Variants in PRPSAP1 observed in about 807,000 individuals in gnomAD.
PRPSAP1 encodes the protein phosphoribosyl pyrophosphate synthase-associated protein 1.
PRPSAP1 carries 31 observed loss-of-function variants against 39.4 expected under a neutral mutation model. The observed-to-expected ratio is 0.79, with a 90% CI of 0.59 to 1.06. The LOEUF is 1.06. Among genes scored for constraint, PRPSAP1 ranks in the 50% least tolerant of loss-of-function variants. The pLI, the probability that PRPSAP1 is intolerant of heterozygous loss-of-function variation, is 0.00. For missense variants in PRPSAP1, 430 were observed against 511.6 expected (o/e 0.84, Z 1.54); for synonymous variants, 212 against 192.6 (o/e 1.10, Z -0.83).
Position 76,344,672 on chromosome 17 carries a change from T to C in PRPSAP1, c.289A>G (p.Arg97Gly), listed in dbSNP as rs767596092. The C allele has an allele frequency of 6.4e-7, 1 of 1,559,876 alleles. No homozygotes were observed. Among genetic ancestry groups the C allele is most frequent in the South Asian group, 1.2e-5 (1 of 86,458 alleles). The change falls in exon 3 of 10, where the codon AGA (arginine) becomes GGA (glycine). Residue 97 changes from arginine (R) to glycine (G), a missense_variant and splice_region_variant. Transcript: ENST00000446526. ...AGATAAAGTAGTCAGTCCTCTTACC[T>C]GGGTATTGTCTGTATAATGAAAATA... The part of the protein sequence containing the change: ...QDIFIIQTIP[R>G]DVNTAVMELL...
At chr17:76,343,857 A>C (rs543572321) in intron 3 of PRPSAP1, among the ~76,000 whole-genome samples, 12 of 152,292 alleles carry the variant, frequency 7.9e-5, no homozygotes, top group Admixed American at 7.2e-4. Flanking sequence ...AGAGAAGTAA[A>C]CAGGTAACAG....
At position 76,353,531 on chromosome 17, in the gene PRPSAP1, T is replaced by C. The variant is rs994083580; in HGVS notation, c.170+3A>G. 6.6e-7 allele frequency: 1 copy of C among 1,518,128 alleles called. No homozygotes were observed. The highest frequency in any genetic ancestry group is 2.0e-5 in the Admixed American group (1 of 48,842). The allele number at this position is 1,518,128 out of a possible 1,614,324, so 94.0% of individuals were successfully genotyped here. On this transcript the variant is annotated splice_donor_region_variant and intron_variant, in intron 1 of 9. Coordinates refer to ENST00000446526, the MANE Select transcript of PRPSAP1 (RefSeq NM_002766.3). ...CGGCCCGGCCCTCCCACCGCCCCCT[T>C]ACTCTGTGATGCGCTTGGCCAGCTC...
chr17:76,341,568 T>C (rs1257665565), intron 3 of PRPSAP1, among the ~76,000 whole-genome samples: 1 of 152,194 alleles, frequency 6.6e-6, no homozygotes, highest in Non-Finnish European at 1.5e-5. Context: ...GATAACTCTT[T>C]ACATGACAAA....
At chr17:76,338,500 C>T (rs1598534310) in intron 3 of PRPSAP1, among the ~76,000 whole-genome samples, 1 of 151,940 alleles carries the variant, frequency 6.6e-6, no homozygotes, top group South Asian at 2.1e-4. Flanking sequence ...GTCAGGAGTT[C>T]GAGACCAGCC....
At chr17:76,330,963 GAATT>G (rs1376677839) in intron 4 of PRPSAP1, among the ~76,000 whole-genome samples, 5 of 152,150 alleles carry the variant, frequency 3.3e-5, no homozygotes, top group Middle Eastern at 3.2e-3. Flanking sequence ...TATGAATATG[GAATT>G]AATACCGAAG....
Position 76,353,783 on chromosome 17 carries a change from G to A in PRPSAP1, c.-80C>T. The A allele has an allele frequency of 4.3e-6, 6 of 1,393,604 alleles. No individual in the cohort carries two copies. The highest frequency in any genetic ancestry group is 5.5e-6 in the Non-Finnish European group (6 of 1,082,626). 86.3% of individuals were successfully genotyped at this position (1,393,604 alleles called of 1,614,324 possible). A position where few individuals can be genotyped will look rare whatever the true frequency, so the allele number is the denominator to read the frequency against. Reference sequence around the variant, plus strand: ...GCTTCCGACTGCGAGACCCCGGTTTGGGTGGGGAAGGCGCTGAGAAACTCG... The same window carrying A: ...GCTTCCGACTGCGAGACCCCGGTTTAGGTGGGGAAGGCGCTGAGAAACTCG... On this transcript the variant is annotated 5_prime_UTR_variant, in exon 1 of 10. Coordinates refer to ENST00000446526, the MANE Select transcript of PRPSAP1 (RefSeq NM_002766.3).
In PRPSAP1 at chr17:76,345,103, C is replaced by T. The variant is rs1023734347; in HGVS notation, c.224-366G>A. On this transcript the variant is annotated intron_variant, in intron 2 of 9. Coordinates refer to ENST00000446526, the MANE Select transcript of PRPSAP1 (RefSeq NM_002766.3). ...ACAAAAAATTAGCCGGGCGTGGTGG[C>T]GGGTGCCTGTAGTCCCAGCTACTCG... 2.0e-4 allele frequency among the ~76,000 whole-genome samples: 30 copies of T among 151,726 alleles called. No homozygotes were observed. In the South Asian group the frequency reaches 4.8e-3, roughly 24 times the overall value.
chr17:76,315,344 G>A (rs2071111285), intron 7 of PRPSAP1, among the ~76,000 whole-genome samples: 1 of 152,158 alleles, frequency 6.6e-6, no homozygotes, highest in Non-Finnish European at 1.5e-5. Context: ...TGGGGGAAGC[G>A]AAAGAGAATA....
At position 76,328,670 on chromosome 17, in the gene PRPSAP1, A is replaced by C. The variant is rs116189522; in HGVS notation, c.781+47T>G. The C allele has an allele frequency of 1.7e-3, 2,639 of 1,587,140 alleles. 33 individuals are homozygous for C. The African/African-American group carries it at 0.033, about 20-fold the overall frequency. ...AAACCAACAAAACCAACAAAAAAAA[A>C]CTTTCTTCAATTTACAAATAAAATA... On this transcript the variant is annotated intron_variant, in intron 7 of 9. Coordinates refer to ENST00000446526, the MANE Select transcript of PRPSAP1 (RefSeq NM_002766.3).
chr17:76,353,246 G>A (rs999290464), intron 1 of PRPSAP1: 1 of 378,216 alleles, frequency 2.6e-6, no homozygotes, highest in Non-Finnish European at 4.8e-6. Context: ...CAGAAAGCTC[G>A]GCCCGCCCCG....
At chr17:76,351,897 A>G (rs543637460) in intron 1 of PRPSAP1, among the ~76,000 whole-genome samples, 1 of 152,304 alleles carries the variant, frequency 6.6e-6, no homozygotes, top group Admixed American at 6.5e-5. Context: ...CAGGTAGGGT[A>G]AATCTGAACC....
At chr17:76,351,057 C>T (rs541913450) in intron 1 of PRPSAP1, among the ~76,000 whole-genome samples, 49 of 151,760 alleles carry the variant, frequency 3.2e-4, no homozygotes, top group Non-Finnish European at 5.7e-4. Context: ...AAACAAAAAA[C>T]GGTTAAAAAG....
intron 3 of PRPSAP1, among the ~76,000 whole-genome samples, 163 bp downstream of exon 3, chr17:76,344,508 G>T (rs1053804972): frequency 2.0e-5 from 3 of 152,004 alleles, no homozygotes; most frequent in Non-Finnish European, 4.4e-5. Context: ...CTCGTGATCC[G>T]CCCACCTCGG....
At chr17:76,328,171 G>C (rs1183208596) in intron 7 of PRPSAP1, among the ~76,000 whole-genome samples, 1 of 147,758 alleles carries the variant, frequency 6.8e-6, no homozygotes. Flanking sequence ...AGAGCAACAG[G>C]GGGAGATCCT....
At chr17:76,312,493 C>G (rs925829458) in intron 9 of PRPSAP1, among the ~76,000 whole-genome samples, 3 of 151,916 alleles carry the variant, frequency 2.0e-5, no homozygotes, top group Non-Finnish European at 4.4e-5. Flanking sequence ...TTAACTTGGC[C>G]TAGCCCTACC....
chr17:76,353,450 G>T (rs917057671), intron 1 of PRPSAP1, 84 bp downstream of exon 1: 35 of 1,305,260 alleles, frequency 2.7e-5, no homozygotes, highest in Non-Finnish European at 3.4e-5. Flanking sequence ...GAGGTGGGGC[G>T]GGTGGAGGGG....
At position 76,309,658 on chromosome 17, in the gene PRPSAP1, CTAA is replaced by C. The variant is rs1030823463; in HGVS notation, c.*1881_*1883del. 6.9e-6 allele frequency: 1 copy of C among 144,638 alleles called. No individual in the cohort carries two copies. The highest frequency in any genetic ancestry group is 1.5e-5 in the Non-Finnish European group (1 of 65,018). 9.0% of individuals were successfully genotyped at this position (144,638 alleles called of 1,614,324 possible). A position where few individuals can be genotyped will look rare whatever the true frequency, so the allele number is the denominator to read the frequency against. ...ACGTACAGATTCCTGTCATGATTCT[CTAA>C]ATAATACAGCATGACCACCATCTAC... On this transcript the variant is annotated 3_prime_UTR_variant, in exon 10 of 10. Coordinates refer to ENST00000446526, the MANE Select transcript of PRPSAP1 (RefSeq NM_002766.3).
chr17:76,326,813 C>T lies in PRPSAP1; in HGVS notation c.781+1904G>A, dbSNP rs182534696. On this transcript the variant is annotated intron_variant, in intron 7 of 9. Transcript: ENST00000446526. ...GATTACAGTGTTACAGCAATGTTAG[C>T]TTCCTGAGTCTGATAATGATACTCT... Among the ~76,000 whole-genome samples the T allele has an allele frequency of 2.6e-3, 397 of 152,186 alleles. 1 individual carries two copies. Among genetic ancestry groups the T allele is most frequent in the Non-Finnish European group, 4.1e-3 (276 of 68,016 alleles).
chr17:76,325,433 A>AG (rs2071245855), intron 7 of PRPSAP1, among the ~76,000 whole-genome samples: 1 of 147,742 alleles, frequency 6.8e-6, no homozygotes, highest in African/African-American at 2.5e-5. Context: ...AAAAAAAAAA[A>AG]AAAAGACCAA....
Sources: allele counts gnomAD v4.1 joint callset (sites outside exome capture counted in the v4.1 genomes callset), GRCh38; gene constraint gnomAD v4.1.1; transcripts MANE v1.5; gene names NCBI Gene and HGNC (gene_info 2026-07-23, HGNC 2026-07-21).